CDH12: variants seen among roughly 807,000 people sequenced by gnomAD.
CDH12 encodes cadherin-12.
A neutral mutation model predicts 74.1 loss-of-function variants in CDH12; 41 were observed. The ratio of observed to expected loss-of-function variants is 0.55; its 90% CI spans 0.43 to 0.72. The LOEUF (loss-of-function observed/expected upper bound fraction) is 0.72, where lower values mean the gene tolerates loss of function less well. Ranked by LOEUF, CDH12 falls within the 30% of genes least tolerant of loss-of-function variation. The pLI is 0.00. For synonymous variants in CDH12, 399 were observed against 355.0 expected, an observed-to-expected ratio of 1.12 and a Z score of -1.39; for missense variants, 945 against 977.2, an observed-to-expected ratio of 0.97 and a Z score of 0.44.
chr5:22,368,546 C>T (rs973162339), intron 3 of CDH12, among the ~76,000 whole-genome samples: 1 of 150,500 alleles, frequency 6.6e-6, no homozygotes, highest in Non-Finnish European at 1.5e-5. Context: ...TCAAGAGATG[C>T]TCCTGCCTCA....
At chr5:22,091,882 G>A (rs1282528662) in intron 4 of CDH12, among the ~76,000 whole-genome samples, 1 of 151,864 alleles carries the variant, frequency 6.6e-6, no homozygotes, top group African/African-American at 2.4e-5. Flanking sequence ...AAGGAATAGA[G>A]ATCCTAAAAT....
At chr5:22,822,169 G>A (rs1749738237) in intron 1 of CDH12, among the ~76,000 whole-genome samples, 1 of 151,690 alleles carries the variant, frequency 6.6e-6, no homozygotes, top group Admixed American at 6.6e-5. Flanking sequence ...TGGGAAAACT[G>A]GCTAGCCATA....
chr5:22,134,900 C>G lies in CDH12; in HGVS notation c.-186-56038G>C, dbSNP rs1160363353. Among the ~76,000 whole-genome samples the G allele has an allele frequency of 2.6e-5, 4 of 151,736 alleles. No homozygotes were observed. In the South Asian group the frequency reaches 8.3e-4, roughly 32 times the overall value. On this transcript the variant is annotated intron_variant, in intron 4 of 14. Transcript: ENST00000382254. ...AGAGTCAAACCTCCACACACTCCCC[C>G]CACCAAGCTGCTGAGCTTCCAGCCA...
intron 4 of CDH12, among the ~76,000 whole-genome samples, chr5:22,172,672 GAGGGA>G (rs2150329781): frequency 6.6e-6 from 1 of 151,950 alleles, no homozygotes; most frequent in South Asian, 2.1e-4. Context: ...AAACAGGGAA[GAGGGA>G]TGTCTGTTGG....
At chr5:22,005,102 G>A (rs776188774) in intron 5 of CDH12, among the ~76,000 whole-genome samples, 10 of 152,090 alleles carry the variant, frequency 6.6e-5, no homozygotes, top group East Asian at 1.9e-4. Flanking sequence ...GTGCAATGGC[G>A]CAGTCTAGGC....
intron 4 of CDH12, among the ~76,000 whole-genome samples, chr5:22,084,370 A>G (rs1352409624): frequency 6.6e-6 from 1 of 152,138 alleles, no homozygotes. Context: ...AAATTACTTA[A>G]TGGATTAATA....
chr5:22,406,159 C>G (rs1046085391), intron 2 of CDH12, among the ~76,000 whole-genome samples: 1 of 152,118 alleles, frequency 6.6e-6, no homozygotes. Flanking sequence ...TTATAAAATG[C>G]TTTCATAAAC....
chr5:22,325,390 G>A (rs1378663237), intron 3 of CDH12, among the ~76,000 whole-genome samples: 1 of 151,980 alleles, frequency 6.6e-6, no homozygotes, highest in Non-Finnish European at 1.5e-5. Context: ...AATGACGAAG[G>A]CTTTACCATG....
At chr5:22,278,640 C>T (rs561290315) in intron 3 of CDH12, among the ~76,000 whole-genome samples, 2 of 151,912 alleles carry the variant, frequency 1.3e-5, no homozygotes, top group African/African-American at 2.4e-5. Context: ...CTTTCTTAAC[C>T]GTGATATACA....
intron 1 of CDH12, among the ~76,000 whole-genome samples, chr5:22,512,650 C>T (rs1340809631): frequency 6.6e-6 from 1 of 152,170 alleles, no homozygotes; most frequent in Non-Finnish European, 1.5e-5. Flanking sequence ...CATCTTGTTT[C>T]CAATGCCCCT....
intron 3 of CDH12, among the ~76,000 whole-genome samples, chr5:22,335,672 C>T (rs1189632104): frequency 6.6e-6 from 1 of 152,066 alleles, no homozygotes; most frequent in Non-Finnish European, 1.5e-5. Context: ...TAAAACGTGA[C>T]TTGCTCCTTC....
At chr5:22,684,053 A>G (rs73742173) in intron 1 of CDH12, among the ~76,000 whole-genome samples, 6,043 of 152,288 alleles carry the variant, frequency 0.04, 417 homozygotes, top group African/African-American at 0.14. Context: ...TTCAACTTGT[A>G]TTTCACAAGG....
intron 1 of CDH12, among the ~76,000 whole-genome samples, chr5:22,845,518 G>A (rs1052242423): frequency 3.3e-5 from 5 of 152,000 alleles, no homozygotes; most frequent in Non-Finnish European, 5.9e-5. Flanking sequence ...CTCTATGTGC[G>A]ACTATTATAG....
At chr5:21,831,576 G>T (rs1749025340) in intron 8 of CDH12, among the ~76,000 whole-genome samples, 1 of 152,100 alleles carries the variant, frequency 6.6e-6, no homozygotes, top group Non-Finnish European at 1.5e-5. Context: ...AGAAAAGCAG[G>T]CTAAGGACTT....
At chr5:22,274,181 GC>G (rs200873908) in intron 3 of CDH12, among the ~76,000 whole-genome samples, 2,701 of 152,070 alleles carry the variant, frequency 0.018, 31 homozygotes, top group Middle Eastern at 0.024. Flanking sequence ...TAAGTATTGT[GC>G]CAGGTATAAG....
intron 4 of CDH12, among the ~76,000 whole-genome samples, chr5:22,133,386 C>T: frequency 6.6e-6 from 1 of 152,026 alleles, no homozygotes; most frequent in Non-Finnish European, 1.5e-5. Context: ...TGTACTTTGC[C>T]CTAAATCCAG....
intron 1 of CDH12, among the ~76,000 whole-genome samples, chr5:22,525,167 C>T (rs1056533635): frequency 2.0e-5 from 3 of 152,094 alleles, no homozygotes; most frequent in Non-Finnish European, 4.4e-5. Context: ...GCATAGTATT[C>T]CATGGTGTGT....
chr5:21,836,062 A>G (rs1188191805), intron 8 of CDH12, among the ~76,000 whole-genome samples: 1 of 151,776 alleles, frequency 6.6e-6, no homozygotes, highest in East Asian at 1.9e-4. Flanking sequence ...AAGACAAAAT[A>G]TTGTTCACTG....
intron 1 of CDH12, among the ~76,000 whole-genome samples, chr5:22,642,878 G>C (rs534475631): frequency 3.2e-4 from 48 of 152,014 alleles, no homozygotes; most frequent in African/African-American, 1.1e-3. Flanking sequence ...ATTCAATTTC[G>C]TCCTTACTTT....
Sources: allele counts gnomAD v4.1 joint callset (sites outside exome capture counted in the v4.1 genomes callset), GRCh38; gene constraint gnomAD v4.1.1; transcripts MANE v1.5; gene names NCBI Gene and HGNC (gene_info 2026-07-23, HGNC 2026-07-21).